ITFG1: variants seen among roughly 807,000 people sequenced by gnomAD.
ITFG1 encodes the protein T-cell immunomodulatory protein.
In ITFG1, 34 loss-of-function variants were observed where a neutral mutation model predicts 81.8. The observed-to-expected ratio is 0.42, with a 90% CI of 0.32 to 0.55. The LOEUF (loss-of-function observed/expected upper bound fraction) is 0.55. ITFG1 is among the 20% of genes least tolerant of loss of function. The probability of loss-of-function intolerance (pLI) is 0.17; values close to 1 mark genes in which losing one functional copy is unlikely to be tolerated. For missense variants in ITFG1, 672 were observed against 755.4 expected (o/e 0.89, Z 1.29); for synonymous variants, 285 against 270.6 (o/e 1.05, Z -0.52).
At chr16:47,309,377 A>G (rs1967222295) in intron 10 of ITFG1, among the ~76,000 whole-genome samples, 1 of 152,076 alleles carries the variant, frequency 6.6e-6, no homozygotes, top group African/African-American at 2.4e-5. Context: ...GCCTATTAAC[A>G]TAACTTCTAT....
At position 47,427,010 on chromosome 16, in the gene ITFG1, C is replaced by T. The variant is rs562532911; in HGVS notation, c.655+1794G>A. The stretch of plus-strand genomic sequence containing the variant: ...GAAGTGGGGGCGGAGGTGGGGAAAT[C>T]AAGTATTTATCTTGCCTGTCTCAAC... On this transcript the variant is annotated intron_variant, in intron 6 of 17. Coordinates refer to ENST00000320640, the MANE Select transcript of ITFG1 (RefSeq NM_030790.5). Among the ~76,000 whole-genome samples the T allele has an allele frequency of 6.1e-4, 93 of 152,184 alleles. 1 individual carries two copies. The highest frequency in any genetic ancestry group is 2.0e-3 in the African/African-American group (83 of 41,534).
At chr16:47,204,644 A>G (rs969499909) in intron 14 of ITFG1, among the ~76,000 whole-genome samples, 6 of 152,204 alleles carry the variant, frequency 3.9e-5, no homozygotes, top group African/African-American at 1.4e-4. Flanking sequence ...ATAAGGTTTA[A>G]TGAACCACTG....
intron 10 of ITFG1, among the ~76,000 whole-genome samples, chr16:47,307,113 A>AAAC (rs1967179198): frequency 3.4e-5 from 5 of 148,174 alleles, no homozygotes; most frequent in African/African-American, 4.9e-5. Context: ...AAAAAAAAAA[A>AAAC]AAAAAAAAAA....
At chr16:47,424,524 G>A (rs1413210034) in intron 6 of ITFG1, among the ~76,000 whole-genome samples, 2 of 152,148 alleles carry the variant, frequency 1.3e-5, no homozygotes, top group African/African-American at 4.8e-5. Context: ...CTGGTTTTTG[G>A]AATTTTCAGC....
intron 8 of ITFG1, among the ~76,000 whole-genome samples, chr16:47,333,763 GT>G (rs1390072537): frequency 6.6e-6 from 1 of 152,158 alleles, no homozygotes; most frequent in Non-Finnish European, 1.5e-5. Flanking sequence ...CATAAGACCC[GT>G]TTCGTGCTTT....
intron 8 of ITFG1, among the ~76,000 whole-genome samples, chr16:47,344,822 T>C (rs191485304): frequency 3.3e-5 from 5 of 152,336 alleles, no homozygotes; most frequent in Middle Eastern, 3.4e-3. Flanking sequence ...ACATGGGATG[T>C]TGTCTTTCTG....
At chr16:47,358,627 A>C (rs1968071007) in intron 8 of ITFG1, among the ~76,000 whole-genome samples, 2 of 152,204 alleles carry the variant, frequency 1.3e-5, no homozygotes. Context: ...TGAATCTCAG[A>C]AGTTCTGGTT....
chr16:47,263,277 A>G, intron 10 of ITFG1: 1 of 431,566 alleles, frequency 2.3e-6, no homozygotes, highest in South Asian at 1.9e-5. Flanking sequence ...TGCTCTGTGT[A>G]TGCTTATGGG....
chr16:47,363,638 C>T (rs943660221), intron 8 of ITFG1, among the ~76,000 whole-genome samples: 3 of 152,132 alleles, frequency 2.0e-5, no homozygotes, highest in Non-Finnish European at 2.9e-5. Flanking sequence ...TTTTACTGGG[C>T]AGTAAGTATA....
At chr16:47,287,786 T>A (rs1966875884) in intron 10 of ITFG1, among the ~76,000 whole-genome samples, 2 of 152,242 alleles carry the variant, frequency 1.3e-5, no homozygotes, top group African/African-American at 4.8e-5. Flanking sequence ...GAATGACTAA[T>A]GATGTTAAGC....
In ITFG1 at chr16:47,161,620, C is replaced by T. The variant is rs532122713; in HGVS notation, c.1661+130G>A. The T allele has an allele frequency of 2.3e-5, 13 of 556,394 alleles. 1 individual carries two copies. Among genetic ancestry groups the T allele is most frequent in the Middle Eastern group, 2.8e-4 (1 of 3,538 alleles). 34.5% of individuals were successfully genotyped at this position (556,394 alleles called of 1,614,324 possible). A position where few individuals can be genotyped will look rare whatever the true frequency, so the allele number is the denominator to read the frequency against. On this transcript the variant is annotated intron_variant, in intron 16 of 17. Transcript: ENST00000320640. ...GTATGTTTAGTCATTTAAAGTTTGC[C>T]GTAAGCAAATTAAGGGATGGGCACT...
At chr16:47,431,996 C>A (rs1969101711) in intron 5 of ITFG1, among the ~76,000 whole-genome samples, 1 of 152,178 alleles carries the variant, frequency 6.6e-6, no homozygotes, top group Non-Finnish European at 1.5e-5. Flanking sequence ...CCACACTTTT[C>A]CTTCCTAACA....
intron 10 of ITFG1, among the ~76,000 whole-genome samples, chr16:47,309,225 C>T (rs574622968): frequency 7.9e-5 from 12 of 152,064 alleles, no homozygotes; most frequent in South Asian, 2.1e-4. Context: ...CCCACCACCA[C>T]GCCCAGCTAA....
Position 47,259,576 on chromosome 16 carries a change from C to T in ITFG1, c.1222-836G>A, listed in dbSNP as rs1047531477. ...ATAATTCATATAATTGAGAATAAGTCTCTTATAAAAAACAAAATAAAATCA... is the reference window on the plus strand; with the variant it reads ...ATAATTCATATAATTGAGAATAAGTTTCTTATAAAAAACAAAATAAAATCA... On this transcript the variant is annotated intron_variant, in intron 11 of 17. Coordinates refer to ENST00000320640, the MANE Select transcript of ITFG1 (RefSeq NM_030790.5). Among the ~76,000 whole-genome samples the T allele has an allele frequency of 7.2e-4, 110 of 152,126 alleles. 1 individual carries two copies. The highest frequency in any genetic ancestry group is 2.5e-3 in the African/African-American group (103 of 41,490).
chr16:47,190,364 A>G (rs990234145), intron 14 of ITFG1, among the ~76,000 whole-genome samples: 9 of 152,222 alleles, frequency 5.9e-5, no homozygotes, highest in Non-Finnish European at 1.2e-4. Flanking sequence ...TTTAAACGAA[A>G]TGTTTATTAG....
chr16:47,414,721 C>A (rs894084929), intron 6 of ITFG1, among the ~76,000 whole-genome samples: 10 of 152,124 alleles, frequency 6.6e-5, no homozygotes, highest in Non-Finnish European at 1.3e-4. Flanking sequence ...GCAAAGAACA[C>A]TTCAGGAAGA....
intron 7 of ITFG1, among the ~76,000 whole-genome samples, chr16:47,366,559 A>G (rs1968180257): frequency 6.6e-6 from 1 of 152,218 alleles, no homozygotes; most frequent in Non-Finnish European, 1.5e-5. Context: ...TCTGATTACC[A>G]AAAATAATAT....
chr16:47,267,787 AT>A (rs1966294157), intron 10 of ITFG1, among the ~76,000 whole-genome samples: 1 of 152,176 alleles, frequency 6.6e-6, no homozygotes, highest in Non-Finnish European at 1.5e-5. Flanking sequence ...AAAACTGAAA[AT>A]AAAACACTAC....
chr16:47,311,642 G>A (rs542539373), intron 9 of ITFG1, among the ~76,000 whole-genome samples: 1 of 152,092 alleles, frequency 6.6e-6, no homozygotes, highest in Non-Finnish European at 1.5e-5. Context: ...GTCTGAACTG[G>A]CACAGAAAGC....
Sources: allele counts gnomAD v4.1 joint callset (sites outside exome capture counted in the v4.1 genomes callset), GRCh38; gene constraint gnomAD v4.1.1; transcripts MANE v1.5; gene names NCBI Gene and HGNC (gene_info 2026-07-23, HGNC 2026-07-21).